The following DOK6 variants were observed in gnomAD, a reference collection of about 807,000 sequenced individuals.
DOK6 encodes docking protein 6, also known as downstream of tyrosine kinase 6.
A neutral mutation model predicts 44.0 loss-of-function variants in DOK6; 22 were observed. The ratio of observed to expected loss-of-function variants is 0.50; its 90% CI spans 0.36 to 0.71. The LOEUF (loss-of-function observed/expected upper bound fraction) is 0.71, where lower values mean the gene tolerates loss of function less well. DOK6 is among the 30% of genes least tolerant of loss of function. The pLI, the probability that DOK6 is intolerant of heterozygous loss-of-function variation, is 0.00. For synonymous variants in DOK6, 166 were observed against 145.5 expected (o/e 1.14, Z -1.01); for missense variants, 340 against 416.4 (o/e 0.82, Z 1.60).
intron 5 of DOK6, among the ~76,000 whole-genome samples, chr18:69,732,845 T>TAAAACCAACTAAAA (rs1978457812): frequency 1.3e-5 from 2 of 152,190 alleles, no homozygotes; most frequent in South Asian, 4.1e-4. Flanking sequence ...AACCAAGATT[T>TAAAACCAACTAAAA]CCTTGTAGGC....
At chr18:69,692,055 C>T (rs1986279724) in intron 4 of DOK6, among the ~76,000 whole-genome samples, 1 of 152,112 alleles carries the variant, frequency 6.6e-6, no homozygotes, top group African/African-American at 2.4e-5. Context: ...CTTTTCTTTT[C>T]ATTATTCTTA....
chr18:69,818,801 G>T (rs1421626020), intron 7 of DOK6, among the ~76,000 whole-genome samples: 1 of 152,142 alleles, frequency 6.6e-6, no homozygotes, highest in Non-Finnish European at 1.5e-5. Flanking sequence ...AGATGATAAA[G>T]GCCCCCTAGT....
intron 5 of DOK6, among the ~76,000 whole-genome samples, chr18:69,721,112 A>AT (rs1361516929): frequency 2.6e-5 from 4 of 152,162 alleles, no homozygotes; most frequent in Non-Finnish European, 5.9e-5. Context: ...TCACATACCC[A>AT]TGATTATATA....
At chr18:69,766,499 A>G (rs1979721465) in intron 7 of DOK6, among the ~76,000 whole-genome samples, 1 of 152,228 alleles carries the variant, frequency 6.6e-6, no homozygotes, top group African/African-American at 2.4e-5. Context: ...CTTTCCAATA[A>G]TATAAATAAT....
intron 3 of DOK6, chr18:69,660,049 A>G (rs993797374): frequency 2.6e-5 from 4 of 151,742 alleles, no homozygotes; most frequent in African/African-American, 9.7e-5. Context: ...TAGCTTTACA[A>G]TAAGAGGAGG....
rs1196118779 is a variant in DOK6, at chr18:69,712,322, AAAAAT to A, written c.599+13730_599+13734del. ...AAAAAAAAAAAAAAAAAAAAAAAAAAAAAATTTAACCTTTTCCGAATCACATTTGT... is the reference window on the plus strand; with the variant it reads ...AAAAAAAAAAAAAAAAAAAAAAAAAATTAACCTTTTCCGAATCACATTTGT... On this transcript the variant is annotated intron_variant, in intron 5 of 7. Coordinates refer to ENST00000382713, the MANE Select transcript of DOK6 (RefSeq NM_152721.6). Among the ~76,000 whole-genome samples the A allele has an allele frequency of 9.0e-4, 56 of 62,504 alleles. 12 individuals are homozygous for A. Among genetic ancestry groups the A allele is most frequent in the East Asian group, 2.3e-3 (4 of 1,762 alleles). 41.0% of individuals were successfully genotyped at this position (62,504 alleles called of 152,430 possible). A position where few individuals can be genotyped will look rare whatever the true frequency, so the allele number is the denominator to read the frequency against.
intron 7 of DOK6, among the ~76,000 whole-genome samples, chr18:69,837,356 T>TTCTG (rs902237181): frequency 6.6e-6 from 1 of 152,134 alleles, no homozygotes; most frequent in African/African-American, 2.4e-5. Context: ...GCAAAGCCAC[T>TTCTG]TCTGTCATAA....
intron 2 of DOK6, among the ~76,000 whole-genome samples, chr18:69,584,555 G>A (rs577118365): frequency 6.6e-6 from 1 of 152,254 alleles, no homozygotes; most frequent in African/African-American, 2.4e-5. Flanking sequence ...GCCTCCCAAA[G>A]TGCTGGGATT....
At chr18:69,607,778 A>T (rs1239807475) in intron 3 of DOK6, among the ~76,000 whole-genome samples, 2 of 152,198 alleles carry the variant, frequency 1.3e-5, no homozygotes, top group African/African-American at 2.4e-5. Flanking sequence ...AAAACTATAA[A>T]ACACGACAAC....
At chr18:69,583,117 T>C (rs1189056010) in intron 2 of DOK6, among the ~76,000 whole-genome samples, 1 of 152,208 alleles carries the variant, frequency 6.6e-6, no homozygotes, top group Non-Finnish European at 1.5e-5. Context: ...ATAACTTACA[T>C]ATGTACTACA....
In DOK6 at chr18:69,457,198, G is replaced by C. The variant is rs1979655179; in HGVS notation, c.66+55888G>C. ...TTTGGTTTTCTTGCAATTGCTTTTG[G>C]GGACTTAGCCAAAAATTCTTTGCCA... On this transcript the variant is annotated intron_variant, in intron 1 of 7. Transcript: ENST00000382713. 3.9e-5 allele frequency among the ~76,000 whole-genome samples: 6 copies of C among 152,134 alleles called. No homozygotes were observed. The South Asian group carries it at 1.2e-3, about 32-fold the overall frequency.
At chr18:69,596,081 G>C (rs993718554) in intron 2 of DOK6, among the ~76,000 whole-genome samples, 1 of 152,186 alleles carries the variant, frequency 6.6e-6, no homozygotes, top group African/African-American at 2.4e-5. Flanking sequence ...AGGTATATGA[G>C]AGATATAAGC....
At chr18:69,696,525 A>G (rs913993340) in intron 4 of DOK6, among the ~76,000 whole-genome samples, 7 of 152,206 alleles carry the variant, frequency 4.6e-5, no homozygotes, top group Non-Finnish European at 8.8e-5. Context: ...TGGAAAGGAA[A>G]AAATGTAAAG....
chr18:69,462,385 T>A (rs1033688629), intron 1 of DOK6, among the ~76,000 whole-genome samples: 2 of 151,822 alleles, frequency 1.3e-5, no homozygotes, highest in Non-Finnish European at 2.9e-5. Flanking sequence ...TGTATGTGTG[T>A]GTCTGTGTGT....
chr18:69,826,768 A>T (rs1426858498), intron 7 of DOK6, among the ~76,000 whole-genome samples: 1 of 152,190 alleles, frequency 6.6e-6, no homozygotes, highest in African/African-American at 2.4e-5. Flanking sequence ...TCATTGTATA[A>T]TGCAGACCTT....
At chr18:69,567,547 T>G (rs1983013335) in intron 2 of DOK6, among the ~76,000 whole-genome samples, 1 of 152,090 alleles carries the variant, frequency 6.6e-6, no homozygotes, top group South Asian at 2.1e-4. Context: ...GACTGGAGTG[T>G]AGGAAAAGAG....
At chr18:69,488,817 A>G (rs1980656802) in intron 1 of DOK6, among the ~76,000 whole-genome samples, 1 of 152,226 alleles carries the variant, frequency 6.6e-6, no homozygotes, top group South Asian at 2.1e-4. Flanking sequence ...GGACACAGCC[A>G]TACCATATCA....
chr18:69,434,039 A>G (rs1191111725), intron 1 of DOK6, among the ~76,000 whole-genome samples: 2 of 152,202 alleles, frequency 1.3e-5, no homozygotes, highest in Non-Finnish European at 2.9e-5. Context: ...TCCATCTGTT[A>G]TCATACATTT....
chr18:69,498,218 T>C (rs1050254662), intron 1 of DOK6, among the ~76,000 whole-genome samples: 1 of 152,114 alleles, frequency 6.6e-6, no homozygotes, highest in African/African-American at 2.4e-5. Flanking sequence ...TTCATTCCAA[T>C]TAATGAAATA....
Sources: allele counts gnomAD v4.1 joint callset (sites outside exome capture counted in the v4.1 genomes callset), GRCh38; gene constraint gnomAD v4.1.1; transcripts MANE v1.5; gene names NCBI Gene and HGNC (gene_info 2026-07-23, HGNC 2026-07-21).